The following THSD4 variants were observed in gnomAD, a reference collection of about 807,000 sequenced individuals.
The protein encoded by THSD4 is thrombospondin type 1 domain containing 4, also known as thrombospondin type-1 domain-containing protein 4.
A neutral mutation model predicts 119.0 loss-of-function variants in THSD4; 69 were observed. That is an observed-to-expected ratio of 0.58 (90% CI 0.48 to 0.71). The LOEUF (loss-of-function observed/expected upper bound fraction) is 0.71. Ranked by LOEUF, THSD4 falls within the 30% of genes least tolerant of loss-of-function variation. THSD4 has a pLI of 0.00. For missense variants in THSD4, 1,393 were observed against 1,391.1 expected, an observed-to-expected ratio of 1.00 and a Z score of -0.02; for synonymous variants, 524 against 540.4, an observed-to-expected ratio of 0.97 and a Z score of 0.42.
chr15:71,406,696 T>TGTGTGTGTG (rs2046614117), intron 6 of THSD4, among the ~76,000 whole-genome samples: 2 of 88,716 alleles, frequency 2.3e-5, no homozygotes, highest in African/African-American at 8.5e-5. Flanking sequence ...GTGTGTGTGT[T>TGTGTGTGTG]TGAAATGGAG....
At chr15:71,729,125 G>A (rs902884351) in intron 9 of THSD4, 11 of 223,888 alleles carry the variant, frequency 4.9e-5, no homozygotes, top group South Asian at 3.5e-4. Context: ...AGGCAGGACC[G>A]CTCCCAGCTC....
chr15:71,117,839 A>G (rs1437873203), intron 1 of THSD4, among the ~76,000 whole-genome samples: 3 of 152,226 alleles, frequency 2.0e-5, no homozygotes, highest in East Asian at 3.8e-4. Context: ...GACTGTTACT[A>G]TGTGCCAGGG....
intron 6 of THSD4, among the ~76,000 whole-genome samples, chr15:71,405,042 C>T (rs1219343816): frequency 1.3e-5 from 2 of 152,194 alleles, no homozygotes; most frequent in African/African-American, 2.4e-5. Flanking sequence ...ATGTGCGCAA[C>T]CATGCCTGGC....
At chr15:71,584,221 CTT>C (rs1427114565) in intron 7 of THSD4, among the ~76,000 whole-genome samples, 1 of 127,218 alleles carries the variant, frequency 7.9e-6, no homozygotes. Flanking sequence ...CACCTCTACT[CTT>C]TTTTGGTTAC....
chr15:71,208,607 G>C (rs2043864602), intron 3 of THSD4, among the ~76,000 whole-genome samples: 2 of 151,838 alleles, frequency 1.3e-5, no homozygotes, highest in Non-Finnish European at 2.9e-5. Flanking sequence ...TGCCCCCTGG[G>C]CTCAAGTGAT....
chr15:71,407,488 A>G (rs1566972175), intron 6 of THSD4, among the ~76,000 whole-genome samples: 1 of 152,184 alleles, frequency 6.6e-6, no homozygotes, highest in Non-Finnish European at 1.5e-5. Context: ...TTTCCAAGGA[A>G]ACAAAATTCA....
At chr15:71,315,599 A>T (rs2045176601) in intron 6 of THSD4, among the ~76,000 whole-genome samples, 1 of 152,188 alleles carries the variant, frequency 6.6e-6, no homozygotes. Flanking sequence ...CTTGAAACCA[A>T]CAAATATATT....
chr15:71,143,178 A>G (rs552573665), intron 2 of THSD4, among the ~76,000 whole-genome samples: 17 of 152,340 alleles, frequency 1.1e-4, no homozygotes, highest in African/African-American at 4.1e-4. Context: ...TGAAGGCTGT[A>G]TGATATTGAG....
intron 6 of THSD4, among the ~76,000 whole-genome samples, chr15:71,408,353 C>A (rs934109758): frequency 3.9e-5 from 6 of 152,128 alleles, no homozygotes; most frequent in Admixed American, 6.6e-5. Flanking sequence ...TCACCTCAGC[C>A]TCCTGAGTAG....
chr15:71,232,571 A>G (rs1010935853), intron 4 of THSD4, among the ~76,000 whole-genome samples: 2 of 151,838 alleles, frequency 1.3e-5, no homozygotes, highest in African/African-American at 4.8e-5. Flanking sequence ...GGAAGTACAG[A>G]AGTAGGTAGG....
chr15:71,388,642 T>C (rs1380349034), intron 6 of THSD4, among the ~76,000 whole-genome samples: 1 of 148,320 alleles, frequency 6.7e-6, no homozygotes, highest in Non-Finnish European at 1.5e-5. Flanking sequence ...CATTCGAGTA[T>C]TGATTTGATT....
intron 8 of THSD4, among the ~76,000 whole-genome samples, chr15:71,690,709 G>A (rs1275728742): frequency 2.6e-5 from 4 of 152,188 alleles, no homozygotes; most frequent in Non-Finnish European, 4.4e-5. Context: ...AGGCAAGGAG[G>A]AGCAAGTCAC....
intron 7 of THSD4, among the ~76,000 whole-genome samples, chr15:71,644,396 C>T (rs1416886129): frequency 6.6e-6 from 1 of 152,116 alleles, no homozygotes; most frequent in Non-Finnish European, 1.5e-5. Context: ...ATGTCCTTTG[C>T]TCCAAATTCA....
chr15:71,692,880 T>C (rs2052084226), intron 8 of THSD4, among the ~76,000 whole-genome samples: 1 of 152,212 alleles, frequency 6.6e-6, no homozygotes, highest in South Asian at 2.1e-4. Context: ...TTTAAGTATT[T>C]AAAGAAACGA....
chr15:71,360,826 A>G (rs1195109580), intron 6 of THSD4, among the ~76,000 whole-genome samples: 1 of 152,246 alleles, frequency 6.6e-6, no homozygotes, highest in African/African-American at 2.4e-5. Flanking sequence ...TCCTTGAGCC[A>G]GAAGCATAAA....
At chr15:71,718,529 A>T (rs1271557981) in intron 8 of THSD4, among the ~76,000 whole-genome samples, 1 of 152,182 alleles carries the variant, frequency 6.6e-6, no homozygotes, top group Non-Finnish European at 1.5e-5. Context: ...TTTAGCTGCC[A>T]GCGTAGGCTC....
intron 6 of THSD4, among the ~76,000 whole-genome samples, chr15:71,275,643 C>T (rs1488678774): frequency 6.6e-6 from 1 of 152,150 alleles, no homozygotes; most frequent in Admixed American, 6.5e-5. Context: ...CTCTGTGTTC[C>T]CACCTAAATC....
chr15:71,641,019 A>T (rs1217651449), intron 7 of THSD4, among the ~76,000 whole-genome samples: 1 of 151,496 alleles, frequency 6.6e-6, no homozygotes, highest in Non-Finnish European at 1.5e-5. Flanking sequence ...ACACACTTAC[A>T]CACTCTGATC....
intron 8 of THSD4, among the ~76,000 whole-genome samples, chr15:71,696,829 G>A (rs1416513903): frequency 6.6e-6 from 1 of 152,244 alleles, no homozygotes; most frequent in East Asian, 1.9e-4. Context: ...AAAGGGAGCT[G>A]ATCTATAAGG....
Sources: gnomAD v4.1 joint callset for allele counts (sites outside exome capture counted in the v4.1 genomes callset) on GRCh38, gnomAD v4.1.1 for gene constraint, MANE v1.5 for transcripts, NCBI Gene and HGNC (gene_info 2026-07-23, HGNC 2026-07-21) for gene names.